Variants in GPR176 observed in about 807,000 individuals in gnomAD.
GPR176 encodes the protein G-protein coupled receptor 176.
In GPR176, 26 loss-of-function variants were observed where a neutral mutation model predicts 35.4. That is an observed-to-expected ratio of 0.74 (90% CI 0.54 to 1.02). The LOEUF (loss-of-function observed/expected upper bound fraction) is 1.02, where lower values mean the gene tolerates loss of function less well. GPR176 is among the 50% of genes least tolerant of loss of function. The pLI, the probability that GPR176 is intolerant of heterozygous loss-of-function variation, is 0.00. For synonymous variants in GPR176, 278 were observed against 271.3 expected (o/e 1.02, Z -0.24); for missense variants, 597 against 665.3 (o/e 0.90, Z 1.13).
intron 1 of GPR176, among the ~76,000 whole-genome samples, chr15:39,871,990 T>G (rs993276744): frequency 1.9e-4 from 29 of 152,238 alleles, no homozygotes; most frequent in African/African-American, 7.0e-4. Flanking sequence ...AAAGGGATAA[T>G]GAGGCCAATT....
intron 1 of GPR176, among the ~76,000 whole-genome samples, chr15:39,887,540 C>G (rs1220027272): frequency 6.6e-6 from 1 of 150,476 alleles, no homozygotes; most frequent in African/African-American, 2.5e-5. Context: ...GGCAGAGGCT[C>G]TGCAGAATCA....
At chr15:39,875,001 C>T (rs2032189367) in intron 1 of GPR176, among the ~76,000 whole-genome samples, 1 of 152,160 alleles carries the variant, frequency 6.6e-6, no homozygotes, top group Admixed American at 6.5e-5. Context: ...AAGATCGCGC[C>T]ATTGCACTCC....
chr15:39,827,161 A>G (rs1432136715), intron 1 of GPR176, among the ~76,000 whole-genome samples: 1 of 152,214 alleles, frequency 6.6e-6, no homozygotes, highest in Non-Finnish European at 1.5e-5. Flanking sequence ...TCAACAAGCT[A>G]TAGGAGGAGC....
At position 39,801,075 on chromosome 15, in the gene GPR176, C is replaced by G; in HGVS notation, c.*57G>C. 1 of 1,454,320 alleles carries G rather than the reference C, an allele frequency of 6.9e-7. No homozygotes were observed. The highest frequency in any genetic ancestry group is 2.3e-5 in the East Asian group (1 of 43,928). 90.1% of individuals were successfully genotyped at this position (1,454,320 alleles called of 1,614,324 possible). ...TACAATCACATGGCCACAGCATTCC[C>G]ACACTCTGGTGGGAATATGGAAGCT... On this transcript the variant is annotated 3_prime_UTR_variant, in exon 3 of 3. Transcript: ENST00000561100.
intron 1 of GPR176, among the ~76,000 whole-genome samples, chr15:39,872,707 G>A (rs2032089426): frequency 6.6e-6 from 1 of 152,124 alleles, no homozygotes; most frequent in Non-Finnish European, 1.5e-5. Context: ...GAAAGCAAGA[G>A]CAAGAGAGAG....
chr15:39,890,962 G>A (rs567813611), intron 1 of GPR176, among the ~76,000 whole-genome samples: 1 of 152,310 alleles, frequency 6.6e-6, no homozygotes, highest in South Asian at 2.1e-4. Flanking sequence ...GAACCCAAGG[G>A]GGAGGTAGCA....
intron 1 of GPR176, among the ~76,000 whole-genome samples, chr15:39,885,595 A>C (rs1156273951): frequency 6.6e-6 from 1 of 152,004 alleles, no homozygotes; most frequent in African/African-American, 2.4e-5. Flanking sequence ...TCTAGGTATG[A>C]AGCAATCTTT....
intron 1 of GPR176, among the ~76,000 whole-genome samples, chr15:39,850,320 T>C (rs553652218): frequency 6.6e-6 from 1 of 152,326 alleles, no homozygotes; most frequent in Non-Finnish European, 1.5e-5. Flanking sequence ...CACCATCATA[T>C]ATGTGGTCCA....
chr15:39,807,344 A>G (rs1899262511), intron 1 of GPR176, 86 bp from the exon 2 acceptor site: 2 of 929,048 alleles, frequency 2.2e-6, no homozygotes, highest in East Asian at 2.9e-5. Context: ...AAAAAATGTA[A>G]AAAACACATT....
At chr15:39,897,811 G>A (rs115663678) in intron 1 of GPR176, among the ~76,000 whole-genome samples, 5 of 152,200 alleles carry the variant, frequency 3.3e-5, no homozygotes, top group African/African-American at 2.4e-5. Context: ...CTCAGGTCCT[G>A]AGCCTGAGAT....
intron 1 of GPR176, among the ~76,000 whole-genome samples, chr15:39,883,568 T>TA (rs1413535002): frequency 2.0e-5 from 3 of 152,084 alleles, no homozygotes; most frequent in Non-Finnish European, 4.4e-5. Context: ...ATTATTAAAA[T>TA]TTTTTTACTT....
chr15:39,886,634 G>T (rs1359407300), intron 1 of GPR176, among the ~76,000 whole-genome samples: 1 of 152,130 alleles, frequency 6.6e-6, no homozygotes, highest in Non-Finnish European at 1.5e-5. Context: ...TGAGTCAAAG[G>T]CACAAAAAGT....
intron 1 of GPR176, among the ~76,000 whole-genome samples, chr15:39,825,197 G>A (rs967133823): frequency 6.6e-6 from 1 of 151,984 alleles, no homozygotes; most frequent in Admixed American, 6.6e-5. Context: ...GTAAGAGTCT[G>A]TTTCAAAAAA....
chr15:39,814,380 C>T (rs2140798649), intron 1 of GPR176, among the ~76,000 whole-genome samples: 1 of 152,298 alleles, frequency 6.6e-6, no homozygotes, highest in Non-Finnish European at 1.5e-5. Flanking sequence ...TGGAAGTAAT[C>T]ATATCATCCC....
At chr15:39,909,865 T>C in intron 1 of GPR176, 1 of 962,776 alleles carries the variant, frequency 1.0e-6, no homozygotes, top group South Asian at 4.8e-5. Flanking sequence ...GGTTTTCTTT[T>C]AATTACCTGT....
Position 39,807,142 on chromosome 15 carries a change from AG to A in GPR176, c.288del (p.Phe97SerfsTer34). ...GGACTGGTGCTGAGGATGATGTCGA[AG>A]GGCACACAGACCAGGCTGGCACAAA... ...SGICASLVCVPFDIILSTSPH... is the reference protein window; with the variant it reads ...SGICASLVCVXFDIILSTSPH... On this transcript the variant is annotated frameshift_variant, in exon 2 of 3. Coordinates refer to ENST00000561100, the MANE Select transcript of GPR176 (RefSeq NM_007223.3). LOFTEE classifies it high-confidence loss of function. The A allele has an allele frequency of 6.2e-7, 1 of 1,614,032 alleles. No individual in the cohort carries two copies. Among genetic ancestry groups the A allele is most frequent in the Non-Finnish European group, 8.5e-7 (1 of 1,179,948 alleles).
chr15:39,801,386 A>G lies in GPR176; in HGVS notation c.1294T>C (p.Ser432Pro), dbSNP rs1478926050. The G allele has an allele frequency of 6.2e-7, 1 of 1,614,214 alleles. No homozygotes were observed. The highest frequency in any genetic ancestry group is 8.5e-7 in the Non-Finnish European group (1 of 1,180,022). Residue 432 changes from serine (S) to proline (P), a missense_variant, in exon 3 of 3, where the codon TCC becomes CCC. By Grantham distance (74) the Ser-to-Pro change is moderately conservative. Transcript: ENST00000561100. Reference protein sequence around the residue: ...APPLSTVDSVSQVAPAAPVEP... With the variant: ...APPLSTVDSVPQVAPAAPVEP... ...ACAGGGGCTGCCGGTGCCACCTGGG[A>G]TACAGAGTCCACTGTGCTCAGGGGT...
At chr15:39,851,019 G>T (rs1373454911) in intron 1 of GPR176, among the ~76,000 whole-genome samples, 1 of 152,098 alleles carries the variant, frequency 6.6e-6, no homozygotes. Flanking sequence ...AATGTTTGTT[G>T]ATAAATTAGC....
At chr15:39,806,778 G>A (rs1438576512) in intron 2 of GPR176, among the ~76,000 whole-genome samples, 1 of 152,098 alleles carries the variant, frequency 6.6e-6, no homozygotes, top group African/African-American at 2.4e-5. Flanking sequence ...CCTCACCATG[G>A]AACTCCCATC....
Sources: allele counts gnomAD v4.1 joint callset (sites outside exome capture counted in the v4.1 genomes callset), GRCh38; gene constraint gnomAD v4.1.1; transcripts MANE v1.5; gene names NCBI Gene and HGNC (gene_info 2026-07-23, HGNC 2026-07-21).